COG5: variants seen among roughly 807,000 people sequenced by gnomAD.
The protein encoded by COG5 is component of oligomeric golgi complex 5.
Under a neutral mutation model 110.4 loss-of-function variants are expected in COG5, and 86 were observed. The observed-to-expected ratio is 0.78, with a 90% CI of 0.65 to 0.93. The LOEUF (loss-of-function observed/expected upper bound fraction) is 0.93, where lower values mean the gene tolerates loss of function less well. COG5 is among the 40% of genes least tolerant of loss of function. COG5 has a pLI of 0.00. For synonymous variants in COG5, 360 were observed against 334.6 expected (o/e 1.08, Z -0.83); for missense variants, 1,077 against 987.0 (o/e 1.09, Z -1.22).
intron 1 of COG5, among the ~76,000 whole-genome samples, chr7:107,561,175 T>C (rs1563101619): frequency 1.3e-5 from 2 of 152,250 alleles, no homozygotes; most frequent in East Asian, 3.8e-4. Flanking sequence ...AGATGAATTA[T>C]ATAATGCTTC....
intron 5 of COG5, among the ~76,000 whole-genome samples, chr7:107,542,897 G>A (rs564257799): frequency 9.9e-5 from 15 of 151,632 alleles, no homozygotes; most frequent in Non-Finnish European, 4.4e-5. Flanking sequence ...CCTTGAACCT[G>A]GGAGGCGGAG....
At chr7:107,225,553 C>T (rs994593118) in intron 19 of COG5, among the ~76,000 whole-genome samples, 1 of 152,142 alleles carries the variant, frequency 6.6e-6, no homozygotes, top group East Asian at 1.9e-4. Flanking sequence ...CTCACTCTGT[C>T]ACCCAGGCTG....
chr7:107,221,943 T>C (rs1799960068), intron 19 of COG5, among the ~76,000 whole-genome samples: 2 of 152,144 alleles, frequency 1.3e-5, no homozygotes, highest in African/African-American at 2.4e-5. Flanking sequence ...GGTTCGAATA[T>C]TTACATTTTT....
chr7:107,297,711 T>C (rs562320687), intron 12 of COG5, among the ~76,000 whole-genome samples: 5 of 152,216 alleles, frequency 3.3e-5, no homozygotes, highest in South Asian at 2.1e-4. Flanking sequence ...TGTTAACACA[T>C]TGACTGAGAA....
At chr7:107,540,641 A>G (rs1334796525) in intron 5 of COG5, among the ~76,000 whole-genome samples, 1 of 151,156 alleles carries the variant, frequency 6.6e-6, no homozygotes, top group East Asian at 1.9e-4. Context: ...ACTGATTCCA[A>G]GTAACTTAAG....
intron 11 of COG5, among the ~76,000 whole-genome samples, chr7:107,309,138 T>C (rs1001096854): frequency 2.0e-5 from 3 of 152,016 alleles, no homozygotes; most frequent in Non-Finnish European, 2.9e-5. Context: ...AAATATTTTT[T>C]AAAGAAAAAA....
At chr7:107,522,773 G>C (rs1800429538) in intron 6 of COG5, among the ~76,000 whole-genome samples, 1 of 152,230 alleles carries the variant, frequency 6.6e-6, no homozygotes, top group South Asian at 2.1e-4. Flanking sequence ...TGCATATTGA[G>C]ATCCAATTGT....
intron 6 of COG5, among the ~76,000 whole-genome samples, chr7:107,439,753 T>C (rs1056235155): frequency 1.3e-5 from 2 of 152,192 alleles, no homozygotes; most frequent in African/African-American, 2.4e-5. Context: ...TTTTGTACTT[T>C]TGCAGGGTCT....
chr7:107,210,252 A>G, intron 21 of COG5: 2 of 1,290,278 alleles, frequency 1.6e-6, no homozygotes, highest in South Asian at 5.3e-5. Context: ...TGATTTTCAA[A>G]GGTACAAATG....
rs1336303295 is a variant in COG5, at chr7:107,202,884, A to G, written c.*632T>C. ...TTTATTTAAAGATCCAGTATGACAT[A>G]CTTAAAAAGGCCATTTAACCTTGTA... On this transcript the variant is annotated 3_prime_UTR_variant, in exon 22 of 22. Coordinates refer to ENST00000297135, the MANE Select transcript of COG5 (RefSeq NM_006348.5). The G allele has an allele frequency of 2.0e-5, 3 of 152,622 alleles. No individual in the cohort carries two copies. Among genetic ancestry groups the G allele is most frequent in the Admixed American group, 2.0e-4 (3 of 15,324 alleles). 9.5% of individuals were successfully genotyped at this position (152,622 alleles called of 1,614,324 possible).
intron 6 of COG5, among the ~76,000 whole-genome samples, chr7:107,520,247 G>T (rs1800230054): frequency 6.6e-6 from 1 of 152,164 alleles, no homozygotes; most frequent in Admixed American, 6.6e-5. Context: ...AGACAAGGAT[G>T]CCCTCTCTCA....
Position 107,201,621 on chromosome 7 carries a change from A to G in COG5, c.*1895T>C, listed in dbSNP as rs1305228082. 1 of 438,778 alleles carries G rather than the reference A, an allele frequency of 2.3e-6. No homozygotes were observed. The highest frequency in any genetic ancestry group is 2.0e-5 in the African/African-American group (1 of 49,254). The allele number at this position is 438,778 out of a possible 1,614,324, so 27.2% of individuals were successfully genotyped here. A position where few individuals can be genotyped will look rare whatever the true frequency, so the allele number is the denominator to read the frequency against. ...TTTCTCCATTAGAGCATTAAGCTAA[A>G]ACTATCAACATTTTAAACCAAATTG... On this transcript the variant is annotated 3_prime_UTR_variant, in exon 22 of 22. Transcript: ENST00000297135.
intron 14 of COG5, among the ~76,000 whole-genome samples, chr7:107,271,054 A>T (rs1267706131): frequency 6.6e-6 from 1 of 151,898 alleles, no homozygotes; most frequent in African/African-American, 2.4e-5. Flanking sequence ...TATGTAGTAG[A>T]GCAAATCGCT....
intron 18 of COG5, among the ~76,000 whole-genome samples, chr7:107,236,207 T>TTC (rs1181759453): frequency 1.3e-5 from 2 of 152,192 alleles, no homozygotes; most frequent in African/African-American, 4.8e-5. Context: ...AATGAGCTAT[T>TTC]TCACCTTAAC....
intron 8 of COG5, among the ~76,000 whole-genome samples, chr7:107,365,050 G>T (rs756846079): frequency 4.6e-5 from 7 of 151,972 alleles, no homozygotes; most frequent in Non-Finnish European, 7.4e-5. Flanking sequence ...AAAAAAATAG[G>T]TCAAATTCCT....
chr7:107,289,478 G>C (rs1005350494), intron 12 of COG5, among the ~76,000 whole-genome samples: 2 of 151,710 alleles, frequency 1.3e-5, no homozygotes, highest in African/African-American at 4.8e-5. Flanking sequence ...TAACTATTCT[G>C]GGTCCCTTGA....
intron 14 of COG5, among the ~76,000 whole-genome samples, chr7:107,275,534 A>C (rs1324583265): frequency 6.6e-6 from 1 of 152,090 alleles, no homozygotes; most frequent in Non-Finnish European, 1.5e-5. Context: ...ATGGCATTAA[A>C]ATCTCCATTA....
intron 12 of COG5, among the ~76,000 whole-genome samples, chr7:107,296,573 A>T (rs73187344): frequency 0.011 from 1,592 of 145,744 alleles, 14 homozygotes; most frequent in Non-Finnish European, 0.018. Context: ...TTGCCAGTCA[A>T]AACTACTCTT....
intron 6 of COG5, chr7:107,471,916 T>A (rs564343277): frequency 1.3e-5 from 2 of 152,150 alleles, no homozygotes; most frequent in East Asian, 3.9e-4. Context: ...CCTGGATTTA[T>A]AATATAAAGC....
Sources: allele counts gnomAD v4.1 joint callset (sites outside exome capture counted in the v4.1 genomes callset), GRCh38; gene constraint gnomAD v4.1.1; transcripts MANE v1.5; gene names NCBI Gene and HGNC (gene_info 2026-07-23, HGNC 2026-07-21).